Variants in BUB1B observed in about 807,000 individuals in gnomAD.
BUB1B encodes the protein BUB1 mitotic checkpoint serine/threonine kinase B, also known as mitotic checkpoint serine/threonine-protein kinase BUB1 beta.
In BUB1B, 86 loss-of-function variants were observed where a neutral mutation model predicts 137.7. The ratio of observed to expected loss-of-function variants is 0.62; its 90% CI spans 0.52 to 0.75. The LOEUF (loss-of-function observed/expected upper bound fraction) is 0.75. Among genes scored for constraint, BUB1B ranks in the 30% least tolerant of loss-of-function variants. The pLI is 0.00. For missense variants in BUB1B, 1,130 were observed against 1,236.9 expected (o/e 0.91, Z 1.30); for synonymous variants, 420 against 417.9 (o/e 1.00, Z -0.06).
In BUB1B at chr15:40,185,748, C is replaced by A. The variant is rs533627944; in HGVS notation, c.1058+106C>A. ...TTCTTCTTTATGAAGATGAAAGTAA[C>A]CAGGCCAGGCGCAGTAGCTCACACC... On this transcript the variant is annotated intron_variant, in intron 8 of 22. Coordinates refer to ENST00000287598, the MANE Select transcript of BUB1B (RefSeq NM_001211.6). 7.7e-5 allele frequency: 82 copies of A among 1,059,172 alleles called. No homozygotes were observed. In the African/African-American group the frequency reaches 9.2e-4, roughly 12 times the overall value. The allele number at this position is 1,059,172 out of a possible 1,614,324, so 65.6% of individuals were successfully genotyped here.
intron 10 of BUB1B, chr15:40,200,005 G>C: frequency 1.7e-6 from 1 of 590,082 alleles, no homozygotes; most frequent in South Asian, 2.0e-5. Context: ...TTCTAGCTAT[G>C]TTCCATTAAA....
At chr15:40,170,756 C>CA (rs901141075) in intron 4 of BUB1B, 75 bp downstream of exon 4, 706 of 1,456,744 alleles carry the variant, frequency 4.8e-4, no homozygotes, top group South Asian at 1.2e-3. Context: ...TCTGGTATAC[C>CA]AAAAAAAAAG....
intron 14 of BUB1B, 120 bp from the exon 15 acceptor site, chr15:40,206,064 T>C (rs2037632561): frequency 3.9e-6 from 4 of 1,021,208 alleles, no homozygotes; most frequent in Non-Finnish European, 3.0e-6. Context: ...TATATTTGCC[T>C]AGATATTCTG....
At chr15:40,170,423 G>A (rs1385745040) in intron 3 of BUB1B, 114 bp from the exon 4 acceptor site, 19 of 1,234,084 alleles carry the variant, frequency 1.5e-5, no homozygotes, top group Non-Finnish European at 2.0e-5. Context: ...ATGTCATTGA[G>A]GACCTCAAAA....
intron 20 of BUB1B, among the ~76,000 whole-genome samples, chr15:40,216,549 A>C (rs1437764749): frequency 9.5e-6 from 1 of 104,856 alleles, no homozygotes; most frequent in African/African-American, 4.5e-5. Flanking sequence ...TATATATACT[A>C]TATATATATA....
intron 6 of BUB1B, 110 bp downstream of exon 6, chr15:40,183,993 G>A (rs2037329256): frequency 3.4e-6 from 4 of 1,182,380 alleles, no homozygotes; most frequent in Non-Finnish European, 4.9e-6. Context: ...GCTGAATACT[G>A]AGTAGCAAAA....
chr15:40,192,157 A>G lies in BUB1B; in HGVS notation c.1059-4388A>G, dbSNP rs555940232. On this transcript the variant is annotated intron_variant, in intron 8 of 22. Transcript: ENST00000287598. ...TCTTTCCAGTTATGTATGTCTTTGA[A>G]TTCTTTCAGTGTTTTGTAGGTTTCA... Among the ~76,000 whole-genome samples the G allele has an allele frequency of 2.0e-5, 3 of 152,292 alleles. No individual in the cohort carries two copies. In the East Asian group the frequency reaches 5.8e-4, roughly 29 times the overall value.
At position 40,183,880 on chromosome 15, in the gene BUB1B, A is replaced by G; in HGVS notation, c.748A>G (p.Lys250Glu). 6.2e-7 allele frequency: 1 copy of G among 1,613,610 alleles called. No homozygotes were observed. The highest frequency in any genetic ancestry group is 2.2e-5 in the East Asian group (1 of 44,872). The change falls in exon 6 of 23, where the codon AAG becomes GAG. Residue 250 changes from lysine to glutamate, a missense_variant. Lys to Glu is a moderately conservative substitution (Grantham distance 56). Coordinates refer to ENST00000287598, the MANE Select transcript of BUB1B (RefSeq NM_001211.6). ...AATCATCCGTGTAGGAGGTGCTCTC[A>G]AGGGTAAGTTTGTTAAACGTTATTT... ...APIIRVGGAL[K>E]APSQNRGLQN...
At chr15:40,203,521 G>A (rs1235972406) in intron 14 of BUB1B, among the ~76,000 whole-genome samples, 1 of 151,988 alleles carries the variant, frequency 6.6e-6, no homozygotes, top group Non-Finnish European at 1.5e-5. Context: ...ACTTTAAAAG[G>A]GTCAATTTTA....
At chr15:40,189,402 C>T (rs1453461503) in intron 8 of BUB1B, among the ~76,000 whole-genome samples, 3 of 152,170 alleles carry the variant, frequency 2.0e-5, no homozygotes, top group Non-Finnish European at 4.4e-5. Context: ...TCAAGTGGTC[C>T]GCCCACCTCG....
chr15:40,187,325 A>G (rs1466660796), intron 8 of BUB1B, among the ~76,000 whole-genome samples: 3 of 151,880 alleles, frequency 2.0e-5, no homozygotes, highest in Non-Finnish European at 4.4e-5. Context: ...ACGGGATTTC[A>G]CCGTGTTAGC....
chr15:40,208,502 T>G (rs1420273316), intron 15 of BUB1B, 135 bp from the exon 16 acceptor site: 3 of 822,850 alleles, frequency 3.6e-6, no homozygotes, highest in Non-Finnish European at 5.7e-6. Flanking sequence ...CATGCAGTTG[T>G]GCTCCAGCCT....
chr15:40,220,879 C>T lies in BUB1B; in HGVS notation c.*120C>T, dbSNP rs1326241871. 2.8e-6 allele frequency: 3 copies of T among 1,088,466 alleles called. No homozygotes were observed. Among genetic ancestry groups the T allele is most frequent in the Non-Finnish European group, 2.8e-6 (2 of 721,388 alleles). The allele number at this position is 1,088,466 out of a possible 1,614,324, so 67.4% of individuals were successfully genotyped here. On this transcript the variant is annotated 3_prime_UTR_variant, in exon 23 of 23. Transcript: ENST00000287598. ...ATTTAGATGCACTACCATTGCTGTTCTACTTTTTGGTACAGGTATATTTTG... is the reference window on the plus strand; with the variant it reads ...ATTTAGATGCACTACCATTGCTGTTTTACTTTTTGGTACAGGTATATTTTG...
intron 5 of BUB1B, among the ~76,000 whole-genome samples, chr15:40,177,882 T>G (rs750136971): frequency 1.3e-5 from 2 of 151,942 alleles, no homozygotes; most frequent in African/African-American, 2.4e-5. Context: ...GGCATAGAGT[T>G]GTTCATAATA....
chr15:40,206,348 T>C lies in BUB1B; in HGVS notation c.1899T>C (p.Ser633=). The C allele has an allele frequency of 6.2e-7, 1 of 1,614,204 alleles. No individual in the cohort carries two copies. The change falls in exon 15 of 23, where the codon TCT becomes TCC. Residue 633 remains serine, a synonymous_variant. Transcript: ENST00000287598. ...HEIMSLKDLP[S]DPERLLPEED... The stretch of plus-strand genomic sequence containing the variant: ...TAATGTCCTTGAAGGATCTCCCTTC[T>C]GATCCTGAGAGACTGTTACCGGAAG...
At position 40,199,607 on chromosome 15, in the gene BUB1B, G is replaced by T. The variant is rs375564551; in HGVS notation, c.1289-8G>T. 1 of 1,612,204 alleles carries T rather than the reference G, an allele frequency of 6.2e-7. No homozygotes were observed. Among genetic ancestry groups the T allele is most frequent in the Admixed American group, 1.7e-5 (1 of 59,998 alleles). On this transcript the variant is annotated splice_region_variant and splice_polypyrimidine_tract_variant and intron_variant, in intron 9 of 22. Transcript: ENST00000287598. ...GAATAATACCTCAAGCAACTTTACT[G>T]TTTCTAGCCGAGCTATTGACCAGTG...
At chr15:40,169,101 A>T (rs534024847) in intron 2 of BUB1B, among the ~76,000 whole-genome samples, 37 of 152,306 alleles carry the variant, frequency 2.4e-4, no homozygotes, top group Admixed American at 9.8e-4. Context: ...ATTAATCATT[A>T]TCCAAATTCT....
intron 11 of BUB1B, among the ~76,000 whole-genome samples, chr15:40,200,576 A>G (rs1415641232): frequency 6.6e-6 from 1 of 152,188 alleles, no homozygotes; most frequent in Non-Finnish European, 1.5e-5. Flanking sequence ...ACAAATACAT[A>G]TACTGTTTTT....
rs967119927 is a variant in BUB1B at position 40,170,254 on chromosome 15, A to G, written c.239+133A>G. On this transcript the variant is annotated intron_variant, in intron 3 of 22. Coordinates refer to ENST00000287598, the MANE Select transcript of BUB1B (RefSeq NM_001211.6). ...TGTCCTGGGGGCACAGAGATCCAGA[A>G]TAATCATAATATATCTTCCTGAGGT... 140 of 878,992 alleles carry G rather than the reference A, an allele frequency of 1.6e-4. 1 individual carries two copies. The highest frequency in any genetic ancestry group is 2.2e-4 in the Middle Eastern group (1 of 4,568). The allele number at this position is 878,992 out of a possible 1,614,324, so 54.4% of individuals were successfully genotyped here. A position where few individuals can be genotyped will look rare whatever the true frequency, so the allele number is the denominator to read the frequency against.
Sources: allele counts gnomAD v4.1 joint callset (sites outside exome capture counted in the v4.1 genomes callset), GRCh38; gene constraint gnomAD v4.1.1; transcripts MANE v1.5; gene names NCBI Gene and HGNC (gene_info 2026-07-23, HGNC 2026-07-21).